The following CD244 variants were observed in gnomAD, a reference collection of about 807,000 sequenced individuals.
The protein encoded by CD244 is CD244 molecule.
Under a neutral mutation model 45.5 loss-of-function variants are expected in CD244, and 20 were observed. The ratio of observed to expected loss-of-function variants is 0.44; its 90% CI spans 0.31 to 0.64. The LOEUF is 0.64. Ranked by LOEUF, CD244 falls within the 30% of genes least tolerant of loss-of-function variation. CD244 has a pLI of 0.08. For missense variants in CD244, 407 were observed against 426.9 expected (o/e 0.95, Z 0.41); for synonymous variants, 185 against 160.5 (o/e 1.15, Z -1.15).
intron 3 of CD244, 184 bp from the exon 4 acceptor site, chr1:160,839,233 T>C (rs1232592160): frequency 7.2e-6 from 4 of 553,370 alleles, no homozygotes; most frequent in Non-Finnish European, 1.3e-5. Context: ...CTCTGAGTGA[T>C]GCCAAGAGCA....
rs776447619 is a variant in CD244, at chr1:160,841,694, A to C, written c.269T>G (p.Leu90Trp). The C allele has an allele frequency of 6.2e-7, 1 of 1,614,078 alleles. No homozygotes were observed. Among genetic ancestry groups the C allele is most frequent in the Admixed American group, 1.7e-5 (1 of 59,998 alleles). Residue 90 changes from leucine (L) to tryptophan (W), a missense_variant, in exon 2 of 9, where the codon TTG (leucine) becomes TGG (tryptophan). Transcript: ENST00000368034. ...CTGAGCTGCCTTGATGAGAAGACTC[A>C]AGTTCTTGACTATAAAACTGAATCT... Reference protein sequence around the residue: ...NDRFSFIVKNLSLLIKAAQQQ... With the variant: ...NDRFSFIVKNWSLLIKAAQQQ...
At chr1:160,857,666 A>G (rs1198733154) in intron 1 of CD244, among the ~76,000 whole-genome samples, 2 of 152,248 alleles carry the variant, frequency 1.3e-5, no homozygotes, top group Non-Finnish European at 2.9e-5. Flanking sequence ...GAGTGTGTTC[A>G]TTTAACAATA....
intron 6 of CD244, among the ~76,000 whole-genome samples, chr1:160,835,227 C>T (rs923767275): frequency 5.3e-5 from 8 of 152,128 alleles, no homozygotes; most frequent in Non-Finnish European, 1.0e-4. Flanking sequence ...TTAAAGGATG[C>T]TTCTCCAGTT....
intron 6 of CD244, among the ~76,000 whole-genome samples, chr1:160,835,055 C>T (rs185966702): frequency 1.3e-5 from 2 of 152,246 alleles, no homozygotes; most frequent in African/African-American, 4.8e-5. Context: ...TTCTTTGCCC[C>T]ACAGCTCAGC....
intron 6 of CD244, among the ~76,000 whole-genome samples, chr1:160,834,863 G>T (rs1669274007): frequency 6.6e-6 from 1 of 152,176 alleles, no homozygotes; most frequent in South Asian, 2.1e-4. Context: ...CTGGAACCAG[G>T]TGTCCTCTAA....
intron 4 of CD244, 169 bp from the exon 5 acceptor site, chr1:160,838,687 G>A (rs893803493): frequency 2.5e-5 from 16 of 628,118 alleles, no homozygotes; most frequent in African/African-American, 2.2e-4. Context: ...GGCAGCAACC[G>A]AACTGCCCCT....
At chr1:160,846,589 C>T (rs1669749251) in intron 1 of CD244, among the ~76,000 whole-genome samples, 3 of 152,028 alleles carry the variant, frequency 2.0e-5, no homozygotes, top group Non-Finnish European at 4.4e-5. Flanking sequence ...TCACTTGAAC[C>T]CAGGAAGTCA....
chr1:160,850,629 C>T (rs1046090081), intron 1 of CD244, among the ~76,000 whole-genome samples: 8 of 152,120 alleles, frequency 5.3e-5, no homozygotes, highest in Non-Finnish European at 1.0e-4. Flanking sequence ...GAAAAGTAGT[C>T]GATGGAATAT....
intron 1 of CD244, among the ~76,000 whole-genome samples, chr1:160,852,324 T>G (rs548472271): frequency 6.7e-6 from 1 of 149,676 alleles, no homozygotes; most frequent in South Asian, 2.1e-4. Flanking sequence ...CCGAGGCGGG[T>G]GGATCGCTTG....
chr1:160,848,063 C>G (rs1476487686), intron 1 of CD244: 1 of 363,068 alleles, frequency 2.8e-6, no homozygotes, highest in Non-Finnish European at 5.4e-6. Flanking sequence ...ACCCTTGGAC[C>G]GTGTCTCCTT....
intron 1 of CD244, among the ~76,000 whole-genome samples, chr1:160,861,494 G>A (rs546675936): frequency 9.9e-5 from 15 of 152,112 alleles, no homozygotes; most frequent in African/African-American, 1.4e-4. Context: ...CTAATTCCAC[G>A]CTCTCCACCT....
Position 160,840,779 on chromosome 1 carries a change from C to G in CD244, c.655+431G>C, listed in dbSNP as rs890851783. ...CAGCCCAAGAACTCATCTAGGTATC[C>G]CTGGGGTCATCCTGATGCTCCTGCT... is the stretch of plus-strand genomic sequence containing the variant. On this transcript the variant is annotated intron_variant, in intron 3 of 8. Coordinates refer to ENST00000368034, the MANE Select transcript of CD244 (RefSeq NM_016382.4). 2.0e-5 allele frequency among the ~76,000 whole-genome samples: 3 copies of G among 152,128 alleles called. No homozygotes were observed. The South Asian group carries it at 6.2e-4, about 32-fold the overall frequency.
intron 6 of CD244, 28 bp downstream of exon 6, chr1:160,836,167 G>A (rs1669323759): frequency 6.4e-7 from 1 of 1,572,212 alleles, no homozygotes; most frequent in East Asian, 2.2e-5. Context: ...GATAGGTATG[G>A]AATGGACTAG....
Position 160,834,055 on chromosome 1 carries a change from C to T in CD244, c.956G>A (p.Arg319Lys). Residue 319 changes from arginine to lysine, a missense_variant, in exon 7 of 9, where the codon AGG becomes AAG. Physicochemically the swap from Arg to Lys is conservative, Grantham distance 26. Coordinates refer to ENST00000368034, the MANE Select transcript of CD244 (RefSeq NM_016382.4). ...YTLYSLIQPS[R>K]KSGSRKRNHS... The stretch of plus-strand genomic sequence containing the variant: ...CCACCACGGGAAGAGGCTCACCTTC[C>T]TGGAAGGCTGAATTAATGAATATAA... 3 of 1,610,356 alleles carry T rather than the reference C, an allele frequency of 1.9e-6. No individual in the cohort carries two copies. The highest frequency in any genetic ancestry group is 1.1e-5 in the South Asian group (1 of 91,000).
At chr1:160,859,939 C>T (rs1203877093) in intron 1 of CD244, among the ~76,000 whole-genome samples, 1 of 152,048 alleles carries the variant, frequency 6.6e-6, no homozygotes, top group Admixed American at 6.6e-5. Context: ...GGCACAGTGG[C>T]TCACACCTGG....
chr1:160,836,368 G>A (rs1389591005), intron 5 of CD244, 114 bp from the exon 6 acceptor site: 3 of 782,276 alleles, frequency 3.8e-6, no homozygotes, highest in East Asian at 2.6e-5. Context: ...CTGGGAGGGA[G>A]GTGGCAGGAC....
At position 160,832,508 on chromosome 1, in the gene CD244, C is replaced by A; in HGVS notation, c.1017+11G>T. The A allele has an allele frequency of 6.4e-7, 1 of 1,571,042 alleles. No individual in the cohort carries two copies. The highest frequency in any genetic ancestry group is 8.7e-7 in the Non-Finnish European group (1 of 1,149,698). ...AGACAGTAAACCCATTGAGGAGTTCCAGAATCTTACCACTTCATAGATAGT... is the reference window on the plus strand; with the variant it reads ...AGACAGTAAACCCATTGAGGAGTTCAAGAATCTTACCACTTCATAGATAGT... On this transcript the variant is annotated intron_variant, in intron 8 of 8. Coordinates refer to ENST00000368034, the MANE Select transcript of CD244 (RefSeq NM_016382.4).
At chr1:160,847,954 A>G in intron 1 of CD244, 1 of 203,122 alleles carries the variant, frequency 4.9e-6, no homozygotes, top group Admixed American at 5.2e-5. Flanking sequence ...GTTAAAATGT[A>G]TATACCTGGT....
chr1:160,831,129 T>C lies in CD244; in HGVS notation c.*218A>G, dbSNP rs1669100114. On this transcript the variant is annotated 3_prime_UTR_variant, in exon 9 of 9. Coordinates refer to ENST00000368034, the MANE Select transcript of CD244 (RefSeq NM_016382.4). ...GTGAACAACCTAACCCCTCCACCCATTCATGTCTGATCTGTAAATTGGAAG... is the reference window on the plus strand; with the variant it reads ...GTGAACAACCTAACCCCTCCACCCACTCATGTCTGATCTGTAAATTGGAAG... The C allele has an allele frequency of 4.2e-6, 2 of 481,632 alleles. No homozygotes were observed. Among genetic ancestry groups the C allele is most frequent in the East Asian group, 6.4e-5 (2 of 31,148 alleles). 29.8% of individuals were successfully genotyped at this position (481,632 alleles called of 1,614,324 possible).
Sources: gnomAD v4.1 joint callset for allele counts (sites outside exome capture counted in the v4.1 genomes callset) on GRCh38, gnomAD v4.1.1 for gene constraint, MANE v1.5 for transcripts, NCBI Gene and HGNC (gene_info 2026-07-23, HGNC 2026-07-21) for gene names.